ROBO2: variants seen among roughly 807,000 people sequenced by gnomAD.
ROBO2 encodes roundabout homolog 2.
In ROBO2, 53 loss-of-function variants were observed where a neutral mutation model predicts 160.8. That is an observed-to-expected ratio of 0.33 (90% CI 0.26 to 0.41). ROBO2 has a LOEUF of 0.41. Ranked by LOEUF, ROBO2 falls within the 10% of genes least tolerant of loss-of-function variation. The pLI, the probability that ROBO2 is intolerant of heterozygous loss-of-function variation, is 1.00. For synonymous variants in ROBO2, 664 were observed against 611.7 expected (o/e 1.09, Z -1.26); for missense variants, 1,577 against 1,722.4 (o/e 0.92, Z 1.49).
chr3:76,464,524 C>T (rs2078261477), intron 2 of ROBO2, among the ~76,000 whole-genome samples: 2 of 151,886 alleles, frequency 1.3e-5, no homozygotes, highest in Admixed American at 1.3e-4. Flanking sequence ...TCAATAAAAC[C>T]CCAGAGTCAG....
intron 2 of ROBO2, among the ~76,000 whole-genome samples, chr3:77,162,583 A>G (rs2078592611): frequency 6.6e-6 from 1 of 152,206 alleles, no homozygotes; most frequent in Admixed American, 6.5e-5. Flanking sequence ...TGGAAACAGT[A>G]CACACCTGCC....
chr3:76,602,659 C>T (rs1289157248), intron 2 of ROBO2, among the ~76,000 whole-genome samples: 1 of 152,228 alleles, frequency 6.6e-6, no homozygotes, highest in East Asian at 1.9e-4. Context: ...TCACCTCCCA[C>T]TGGGCTCCTC....
intron 2 of ROBO2, among the ~76,000 whole-genome samples, chr3:76,321,371 T>C (rs904132196): frequency 6.6e-6 from 1 of 151,824 alleles, no homozygotes; most frequent in African/African-American, 2.4e-5. Context: ...AAAAATTAGC[T>C]GGGCGTGGTG....
intron 2 of ROBO2, among the ~76,000 whole-genome samples, chr3:77,403,016 G>A (rs2075947671): frequency 6.6e-6 from 1 of 152,064 alleles, no homozygotes; most frequent in Non-Finnish European, 1.5e-5. Context: ...GGTTGCTACA[G>A]ACCCGTACAG....
At chr3:76,935,744 CT>C (rs1042079913) in intron 2 of ROBO2, among the ~76,000 whole-genome samples, 1 of 152,102 alleles carries the variant, frequency 6.6e-6, no homozygotes, top group African/African-American at 2.4e-5. Context: ...TCTGAGACCT[CT>C]TTTATAAGGG....
At chr3:77,532,659 C>A (rs2091830276) in intron 6 of ROBO2, among the ~76,000 whole-genome samples, 1 of 151,780 alleles carries the variant, frequency 6.6e-6, no homozygotes. Flanking sequence ...TGACAATATA[C>A]CGCGTCTCTA....
At chr3:76,482,022 C>T (rs750336868) in intron 2 of ROBO2, among the ~76,000 whole-genome samples, 2 of 151,914 alleles carry the variant, frequency 1.3e-5, no homozygotes, top group Non-Finnish European at 2.9e-5. Context: ...AGTCAGAATC[C>T]CCAACCAGAG....
rs1475522879 is a variant in ROBO2, at chr3:75,951,609, G to T, written c.109+14007G>T. ...AGAAATTAGCCTAAGTTAAGTTTGG[G>T]CTTTGGAATTCAGGGGAATGCCATG... On this transcript the variant is annotated intron_variant, in intron 2 of 26. Coordinates refer to the ROBO2 transcript ENST00000487694. 2.0e-5 allele frequency among the ~76,000 whole-genome samples: 3 copies of T among 151,974 alleles called. No individual in the cohort carries two copies. In the East Asian group the frequency reaches 5.8e-4, roughly 29 times the overall value.
At chr3:75,931,218 CTG>C (rs1947519025) in intron 1 of ROBO2, among the ~76,000 whole-genome samples, 2 of 152,216 alleles carry the variant, frequency 1.3e-5, no homozygotes, top group South Asian at 4.1e-4. Context: ...TCCTTGAACA[CTG>C]TGGGTTTTTT....
chr3:77,266,133 A>T (rs1288560221), intron 2 of ROBO2, among the ~76,000 whole-genome samples: 7 of 152,012 alleles, frequency 4.6e-5, no homozygotes, highest in Admixed American at 3.9e-4. Context: ...ATGTCTCACT[A>T]GGCACAGGAT....
chr3:77,292,860 C>A (rs1189554199), intron 2 of ROBO2, among the ~76,000 whole-genome samples: 1 of 149,148 alleles, frequency 6.7e-6, no homozygotes, highest in Non-Finnish European at 1.5e-5. Flanking sequence ...GAGGCTAGAT[C>A]ACTAAAGACA....
intron 4 of ROBO2, among the ~76,000 whole-genome samples, chr3:77,484,884 T>G (rs2085158907): frequency 6.6e-6 from 1 of 152,162 alleles, no homozygotes; most frequent in African/African-American, 2.4e-5. Flanking sequence ...ATTTTTGTTC[T>G]TCTTTGAATT....
intron 2 of ROBO2, among the ~76,000 whole-genome samples, chr3:76,348,557 A>G (rs1434314261): frequency 6.6e-6 from 1 of 152,126 alleles, no homozygotes; most frequent in Non-Finnish European, 1.5e-5. Context: ...AAGCAAGGGT[A>G]AAAGTTAAAA....
chr3:77,160,512 A>C (rs1336769486), intron 2 of ROBO2, among the ~76,000 whole-genome samples: 1 of 152,192 alleles, frequency 6.6e-6, no homozygotes, highest in Non-Finnish European at 1.5e-5. Flanking sequence ...CCTCTTAATA[A>C]TATATCCTTA....
chr3:77,457,241 T>C (rs1227976496), intron 2 of ROBO2, among the ~76,000 whole-genome samples: 2 of 152,120 alleles, frequency 1.3e-5, no homozygotes, highest in Non-Finnish European at 2.9e-5. Flanking sequence ...AAACAGGTGA[T>C]TTTGGGTTGT....
intron 2 of ROBO2, among the ~76,000 whole-genome samples, chr3:76,044,357 T>C (rs62267244): frequency 0.12 from 18,790 of 151,948 alleles, 2,980 homozygotes; most frequent in African/African-American, 0.36. Context: ...AGAAGCAATG[T>C]TGAATAAAGA....
chr3:76,693,155 GTCTCTC>G (rs1280533308), intron 2 of ROBO2, among the ~76,000 whole-genome samples: 1 of 143,652 alleles, frequency 7.0e-6, no homozygotes, highest in Non-Finnish European at 1.5e-5. Flanking sequence ...ACATACATAA[GTCTCTC>G]TCTCTATATA....
intron 2 of ROBO2, among the ~76,000 whole-genome samples, chr3:76,112,334 A>G (rs897917840): frequency 6.6e-6 from 1 of 152,044 alleles, no homozygotes; most frequent in African/African-American, 2.4e-5. Context: ...CATCTTGTCA[A>G]AATTTCAGAA....
At chr3:76,160,851 T>C (rs141928866) in intron 2 of ROBO2, among the ~76,000 whole-genome samples, 126 of 152,300 alleles carry the variant, frequency 8.3e-4, no homozygotes, top group African/African-American at 3.0e-3. Flanking sequence ...AGATTTCTCG[T>C]GAAATTCACA....
Sources: gnomAD v4.1 joint callset for allele counts (sites outside exome capture counted in the v4.1 genomes callset) on GRCh38, gnomAD v4.1.1 for gene constraint, MANE v1.5 for transcripts, NCBI Gene and HGNC (gene_info 2026-07-23, HGNC 2026-07-21) for gene names.